Variants in TMED10 observed in about 807,000 individuals in gnomAD.
The protein encoded by TMED10 is transmembrane p24 trafficking protein 10, also known as transmembrane emp24 domain-containing protein 10.
Under a neutral mutation model 23.1 loss-of-function variants are expected in TMED10, and 7 were observed. The ratio of observed to expected loss-of-function variants is 0.30; its 90% CI spans 0.17 to 0.57. The LOEUF is 0.57. Among genes scored for constraint, TMED10 ranks in the 20% least tolerant of loss-of-function variants. The probability of loss-of-function intolerance (pLI) is 0.91; values close to 1 mark genes in which losing one functional copy is unlikely to be tolerated. For missense variants in TMED10, 162 were observed against 274.8 expected, an observed-to-expected ratio of 0.59 and a Z score of 2.90; for synonymous variants, 113 against 106.9, an observed-to-expected ratio of 1.06 and a Z score of -0.35.
rs778931397 is a variant in TMED10, at chr14:75,176,500, C to G, written c.80G>C (p.Arg27Thr). Residue 27 changes from arginine to threonine, a missense_variant, in exon 1 of 5, where the codon AGA becomes ACA. Coordinates refer to ENST00000303575, the MANE Select transcript of TMED10 (RefSeq NM_006827.6). ...ATGGAAGGAGATGGCAAGGACCAAT[C>G]TGGGGCCGAGCAGGAACAAAAGCAG... ...ALLLLFLLGP[R>T]LVLAISFHLP... is the part of the protein sequence containing the mutation. 3 of 1,614,228 alleles carry G rather than the reference C, an allele frequency of 1.9e-6. No homozygotes were observed. The highest frequency in any genetic ancestry group is 1.1e-5 in the South Asian group (1 of 91,086).
chr14:75,171,582 G>A (rs1331803713), intron 1 of TMED10, among the ~76,000 whole-genome samples: 1 of 127,352 alleles, frequency 7.9e-6, no homozygotes, highest in Non-Finnish European at 1.7e-5. Context: ...GCCCAGCCTG[G>A]CTTTAAAGAT....
intron 1 of TMED10, among the ~76,000 whole-genome samples, chr14:75,166,304 C>T (rs192966656): frequency 2.2e-3 from 340 of 152,240 alleles, no homozygotes; most frequent in African/African-American, 8.0e-3. Context: ...AGCCCAAGTT[C>T]AGGTCTGTGG....
chr14:75,173,556 A>T lies in TMED10; in HGVS notation c.225+2799T>A, dbSNP rs74064860. Reference sequence around the variant, plus strand: ...ATTTATCATCACTGCTTTTTTTTTTAAAATACCTGGTCCAATTTATTCAAT... The same window carrying T: ...ATTTATCATCACTGCTTTTTTTTTTTAAATACCTGGTCCAATTTATTCAAT... On this transcript the variant is annotated intron_variant, in intron 1 of 4. Coordinates refer to ENST00000303575, the MANE Select transcript of TMED10 (RefSeq NM_006827.6). Among the ~76,000 whole-genome samples the T allele has an allele frequency of 5.8e-3, 870 of 151,238 alleles. 5 individuals carry two copies. The highest frequency in any genetic ancestry group is 0.018 in the African/African-American group (719 of 41,024).
chr14:75,153,315 T>TA (rs376195670), intron 1 of TMED10, among the ~76,000 whole-genome samples: 3,057 of 144,140 alleles, frequency 0.021, 88 homozygotes, highest in African/African-American at 0.068. Flanking sequence ...AAATTTATCC[T>TA]AAAAAAAAAA....
intron 3 of TMED10, among the ~76,000 whole-genome samples, chr14:75,141,109 G>A (rs191351547): frequency 1.5e-4 from 23 of 152,126 alleles, no homozygotes; most frequent in Admixed American, 1.4e-3. Flanking sequence ...CATAATATAT[G>A]GCTTTATGTA....
chr14:75,140,257 C>A (rs1027073937), intron 3 of TMED10, among the ~76,000 whole-genome samples: 2 of 152,058 alleles, frequency 1.3e-5, no homozygotes, highest in Admixed American at 1.3e-4. Flanking sequence ...CGTGCCACCA[C>A]GCCCAGCTAA....
intron 3 of TMED10, among the ~76,000 whole-genome samples, chr14:75,147,139 GTTCAGTC>G (rs1360785189): frequency 6.7e-6 from 1 of 148,430 alleles, no homozygotes; most frequent in Non-Finnish European, 1.5e-5. Context: ...GGGACAGTTT[GTTCAGTC>G]TTTGGCTGAC....
At chr14:75,158,525 C>T (rs897956771) in intron 1 of TMED10, among the ~76,000 whole-genome samples, 1 of 151,794 alleles carries the variant, frequency 6.6e-6, no homozygotes, top group African/African-American at 2.4e-5. Context: ...ACAGGGTCTC[C>T]CTATGTTGCC....
At chr14:75,156,916 A>AAAAAGAAAAGAAAAG (rs57658115) in intron 1 of TMED10, among the ~76,000 whole-genome samples, 14,872 of 135,404 alleles carry the variant, frequency 0.11, 1,134 homozygotes, top group African/African-American at 0.18. Flanking sequence ...CCGTCTCAAA[A>AAAAAGAAAAGAAAAG]AAAAGAAAAG....
At chr14:75,155,689 G>A (rs539107398) in intron 1 of TMED10, among the ~76,000 whole-genome samples, 14 of 152,294 alleles carry the variant, frequency 9.2e-5, no homozygotes, top group African/African-American at 3.1e-4. Flanking sequence ...GTCAGGGAGT[G>A]TATCTAGGAG....
intron 1 of TMED10, among the ~76,000 whole-genome samples, chr14:75,164,571 ATATATAT>A (rs1278411800): frequency 9.5e-4 from 2 of 2,110 alleles, no homozygotes; most frequent in African/African-American, 2.7e-3. Flanking sequence ...ATATATATAT[ATATATAT>A]TTTTTTTTTT....
chr14:75,172,570 AG>A (rs988667344), intron 1 of TMED10, among the ~76,000 whole-genome samples: 4 of 152,084 alleles, frequency 2.6e-5, no homozygotes, highest in Non-Finnish European at 5.9e-5. Context: ...GGCCTCCCAA[AG>A]TGCTGGGATT....
At position 75,152,490 on chromosome 14, in the gene TMED10, C is replaced by T. The variant is rs112143173; in HGVS notation, c.226-347G>A. The stretch of plus-strand genomic sequence containing the variant: ...TCATTCCGCATAGAGGAACATGTCA[C>T]AAAAATGAAAGTAGACAATTATCAA... On this transcript the variant is annotated intron_variant, in intron 1 of 4. Transcript: ENST00000303575. 5.9e-3 allele frequency among the ~76,000 whole-genome samples: 904 copies of T among 152,116 alleles called. 8 individuals carry two copies. Among genetic ancestry groups the T allele is most frequent in the African/African-American group, 0.021 (870 of 41,482 alleles).
chr14:75,156,159 T>C (rs917487973), intron 1 of TMED10, among the ~76,000 whole-genome samples: 1 of 152,050 alleles, frequency 6.6e-6, no homozygotes, highest in Non-Finnish European at 1.5e-5. Flanking sequence ...GAAGACAGAC[T>C]ATAGAGAGAG....
intron 3 of TMED10, among the ~76,000 whole-genome samples, chr14:75,147,064 A>C (rs957001222): frequency 6.6e-6 from 1 of 151,476 alleles, no homozygotes; most frequent in Non-Finnish European, 1.5e-5. Flanking sequence ...ATCTCTCTCT[A>C]CACACACACA....
intron 3 of TMED10, among the ~76,000 whole-genome samples, chr14:75,144,486 C>A (rs1895859166): frequency 6.6e-6 from 1 of 152,196 alleles, no homozygotes; most frequent in South Asian, 2.1e-4. Flanking sequence ...CAAATAATAT[C>A]ATCTTACATT....
intron 3 of TMED10, among the ~76,000 whole-genome samples, chr14:75,144,672 G>A (rs746252928): frequency 1.2e-4 from 19 of 152,186 alleles, no homozygotes; most frequent in Non-Finnish European, 1.8e-4. Context: ...CCACATTCCC[G>A]AATCTTAATG....
At position 75,135,737 on chromosome 14, in the gene TMED10, G is replaced by T. The variant is rs373957326; in HGVS notation, c.538+23C>A. 23 of 1,610,394 alleles carry T rather than the reference G, an allele frequency of 1.4e-5. No homozygotes were observed. In the African/African-American group the frequency reaches 2.8e-4, roughly 20 times the overall value. ...GTCTCATTTATGGGTCACTTAAGAA[G>T]TAAGAGTCGCCTTCCCCCTCACCGT... On this transcript the variant is annotated intron_variant, in intron 4 of 4. Coordinates refer to ENST00000303575, the MANE Select transcript of TMED10 (RefSeq NM_006827.6).
At chr14:75,148,057 T>C (rs1014859393) in intron 2 of TMED10, among the ~76,000 whole-genome samples, 1 of 152,042 alleles carries the variant, frequency 6.6e-6, no homozygotes, top group East Asian at 1.9e-4. Context: ...CACACAGGCT[T>C]ATTGAATTGG....
Sources: gnomAD v4.1 joint callset for allele counts (sites outside exome capture counted in the v4.1 genomes callset) on GRCh38, gnomAD v4.1.1 for gene constraint, MANE v1.5 for transcripts, NCBI Gene and HGNC (gene_info 2026-07-23, HGNC 2026-07-21) for gene names.